SMYD3: variants seen among roughly 807,000 people sequenced by gnomAD.
The protein encoded by SMYD3 is histone-lysine N-methyltransferase SMYD3.
Under a neutral mutation model 57.7 loss-of-function variants are expected in SMYD3, and 36 were observed. The ratio of observed to expected loss-of-function variants is 0.62; its 90% CI spans 0.48 to 0.82. The LOEUF (loss-of-function observed/expected upper bound fraction) is 0.82, where lower values mean the gene tolerates loss of function less well. Among genes scored for constraint, SMYD3 ranks in the 40% least tolerant of loss-of-function variants. SMYD3 has a pLI of 0.00. For synonymous variants in SMYD3, 211 were observed against 195.0 expected (o/e 1.08, Z -0.68); for missense variants, 515 against 538.8 (o/e 0.96, Z 0.44).
intron 1 of SMYD3, among the ~76,000 whole-genome samples, chr1:246,448,527 T>C (rs2067580575): frequency 6.6e-6 from 1 of 151,906 alleles, no homozygotes; most frequent in South Asian, 2.1e-4. Context: ...ACCCACGACC[T>C]GCAGCTACAA....
rs148329461 is a variant in SMYD3 at position 246,157,029 on chromosome 1, G to A, written c.531+170172C>T. On this transcript the variant is annotated intron_variant, in intron 5 of 11. Transcript: ENST00000490107. ...AAGATGAAAAGGTCATACGCAGACCGCAAAGCTTAAACCTTCGCCTCACAT... is the reference window on the plus strand; with the variant it reads ...AAGATGAAAAGGTCATACGCAGACCACAAAGCTTAAACCTTCGCCTCACAT... 4.1e-3 allele frequency among the ~76,000 whole-genome samples: 617 copies of A among 152,322 alleles called. 4 individuals are homozygous for A. The highest frequency in any genetic ancestry group is 7.0e-3 in the Non-Finnish European group (479 of 68,030).
intron 5 of SMYD3, among the ~76,000 whole-genome samples, chr1:246,255,955 T>C (rs1572288063): frequency 2.0e-5 from 3 of 150,982 alleles, no homozygotes; most frequent in Non-Finnish European, 4.4e-5. Flanking sequence ...GATAGATAGA[T>C]AGATAGATAG....
chr1:246,464,825 GTTTA>G (rs1236466518), intron 1 of SMYD3, among the ~76,000 whole-genome samples: 1 of 152,132 alleles, frequency 6.6e-6, no homozygotes, highest in Non-Finnish European at 1.5e-5. Flanking sequence ...ATCTGTTAAT[GTTTA>G]TTTATTAGTA....
chr1:246,125,123 T>C (rs75987233), intron 5 of SMYD3, among the ~76,000 whole-genome samples: 12,118 of 150,074 alleles, frequency 0.081, 1,002 homozygotes, highest in African/African-American at 0.2. Context: ...ATTTCCCTTA[T>C]GGAGTTATGA....
At chr1:245,797,564 T>C (rs765994154) in intron 10 of SMYD3, among the ~76,000 whole-genome samples, 119 of 149,960 alleles carry the variant, frequency 7.9e-4, no homozygotes, top group Non-Finnish European at 1.3e-3. Context: ...TTAGGAGATA[T>C]ACCTAATGTA....
chr1:246,277,214 G>C (rs1448485652), intron 5 of SMYD3, among the ~76,000 whole-genome samples: 1 of 151,628 alleles, frequency 6.6e-6, no homozygotes, highest in African/African-American at 2.4e-5. Context: ...AAAAGTGCAA[G>C]GTTTCAGAAA....
At chr1:246,478,362 TCC>T (rs2068055260) in intron 1 of SMYD3, among the ~76,000 whole-genome samples, 12 of 152,282 alleles carry the variant, frequency 7.9e-5, no homozygotes, top group African/African-American at 2.4e-4. Flanking sequence ...TGCACACCTG[TCC>T]TCTGTCCTGG....
At chr1:246,430,615 T>C (rs1409881719) in intron 1 of SMYD3, among the ~76,000 whole-genome samples, 1 of 152,204 alleles carries the variant, frequency 6.6e-6, no homozygotes, top group Non-Finnish European at 1.5e-5. Flanking sequence ...CTTACGGGGC[T>C]TGTGGGACAT....
chr1:246,054,873 T>TAAA (rs749022916), intron 5 of SMYD3, among the ~76,000 whole-genome samples: 10 of 79,106 alleles, frequency 1.3e-4, no homozygotes, highest in East Asian at 3.5e-4. Flanking sequence ...AGGATGACTA[T>TAAA]AAAAAAAAAA....
At chr1:245,977,168 T>C (rs1420005769) in intron 5 of SMYD3, among the ~76,000 whole-genome samples, 1 of 152,236 alleles carries the variant, frequency 6.6e-6, no homozygotes, top group Non-Finnish European at 1.5e-5. Context: ...GAATCATCTT[T>C]TTACAAACAT....
chr1:246,495,338 G>A (rs2068342415), intron 1 of SMYD3, among the ~76,000 whole-genome samples: 1 of 97,862 alleles, frequency 1.0e-5, no homozygotes, highest in Non-Finnish European at 1.8e-5. Context: ...GACAGAGCAA[G>A]ACTCCGTCTC....
intron 5 of SMYD3, among the ~76,000 whole-genome samples, chr1:246,291,174 C>T (rs1489051702): frequency 6.6e-6 from 1 of 152,156 alleles, no homozygotes; most frequent in African/African-American, 2.4e-5. Context: ...ATTATGTATA[C>T]AGCTTGCTAA....
chr1:245,845,211 T>C (rs1458983487), intron 10 of SMYD3, among the ~76,000 whole-genome samples: 3 of 152,192 alleles, frequency 2.0e-5, no homozygotes, highest in Non-Finnish European at 4.4e-5. Context: ...TTGAGGCATA[T>C]ACCCCACTGC....
chr1:245,824,594 G>A (rs909576406), intron 10 of SMYD3, among the ~76,000 whole-genome samples: 2 of 152,140 alleles, frequency 1.3e-5, no homozygotes, highest in Admixed American at 6.5e-5. Context: ...GTTGGCTCAC[G>A]CCTGTAATCC....
chr1:246,006,661 C>T (rs567902650), intron 5 of SMYD3, among the ~76,000 whole-genome samples: 14 of 152,164 alleles, frequency 9.2e-5, no homozygotes, highest in African/African-American at 3.4e-4. Flanking sequence ...ACATCAAGTG[C>T]CAAATACTGA....
intron 5 of SMYD3, among the ~76,000 whole-genome samples, chr1:246,111,855 C>T (rs972925294): frequency 2.6e-5 from 4 of 152,198 alleles, no homozygotes; most frequent in African/African-American, 9.7e-5. Flanking sequence ...CAAGACCTTG[C>T]TTATGATAGA....
In SMYD3 at chr1:246,248,179, G is replaced by A. The variant is rs957635849; in HGVS notation, c.531+79022C>T. On this transcript the variant is annotated intron_variant, in intron 5 of 11. Coordinates refer to ENST00000490107, the MANE Select transcript of SMYD3 (RefSeq NM_001167740.2). ...TGTTTCATAAAACTGAAAAGCAACC[G>A]TAAGAAAATAAGGTTGGAGCCAATA... Among the ~76,000 whole-genome samples, 11 of 152,274 alleles carry A rather than the reference G, an allele frequency of 7.2e-5. No individual in the cohort carries two copies. The South Asian group carries it at 1.0e-3, about 14-fold the overall frequency.
chr1:246,299,022 A>G (rs1401951764), intron 5 of SMYD3, among the ~76,000 whole-genome samples: 1 of 152,166 alleles, frequency 6.6e-6, no homozygotes, highest in Non-Finnish European at 1.5e-5. Context: ...TGGAGTGTAA[A>G]TGCAATATAT....
intron 10 of SMYD3, 97 bp downstream of exon 10, chr1:245,858,399 C>T (rs2148477500): frequency 2.4e-6 from 3 of 1,232,774 alleles, no homozygotes; most frequent in African/African-American, 3.0e-5. Context: ...GGAAATGCTC[C>T]ATGCAAAGTA....
Sources: allele counts gnomAD v4.1 joint callset (sites outside exome capture counted in the v4.1 genomes callset), GRCh38; gene constraint gnomAD v4.1.1; transcripts MANE v1.5; gene names NCBI Gene and HGNC (gene_info 2026-07-23, HGNC 2026-07-21).